The following GRM7 variants were observed in gnomAD, a reference collection of about 807,000 sequenced individuals.
The protein encoded by GRM7 is glutamate metabotropic receptor 7, also known as metabotropic glutamate receptor 7.
A neutral mutation model predicts 84.5 loss-of-function variants in GRM7; 35 were observed. The ratio of observed to expected loss-of-function variants is 0.41; its 90% confidence interval spans 0.32 to 0.55. The LOEUF (loss-of-function observed/expected upper bound fraction) is 0.55, where lower values mean the gene tolerates loss of function less well. Among genes scored for constraint, GRM7 ranks in the 20% least tolerant of loss-of-function variants. The pLI, the probability that GRM7 is intolerant of heterozygous loss-of-function variation, is 0.19. For missense variants in GRM7, 1,003 were observed against 1,194.6 expected (o/e 0.84, Z 2.36); for synonymous variants, 487 against 455.1 (o/e 1.07, Z -0.89).
chr3:7,201,513 C>T (rs1696068890), intron 2 of GRM7, among the ~76,000 whole-genome samples: 1 of 152,076 alleles, frequency 6.6e-6, no homozygotes, highest in East Asian at 1.9e-4. Context: ...TCTATAGAGG[C>T]CACAAGTTGA....
At chr3:7,627,278 C>G (rs548787221) in intron 8 of GRM7, among the ~76,000 whole-genome samples, 74 of 152,178 alleles carry the variant, frequency 4.9e-4, no homozygotes, top group Non-Finnish European at 9.6e-4. Context: ...TGAGATCATG[C>G]TCATGCCTTA....
intron 2 of GRM7, among the ~76,000 whole-genome samples, chr3:7,254,754 T>A (rs556768093): frequency 1.3e-5 from 2 of 152,362 alleles, no homozygotes; most frequent in African/African-American, 4.8e-5. Flanking sequence ...GGCAAGTTGC[T>A]TAACTTCTCT....
intron 7 of GRM7, among the ~76,000 whole-genome samples, chr3:7,500,822 A>C (rs1311557191): frequency 6.6e-6 from 1 of 152,224 alleles, no homozygotes; most frequent in Non-Finnish European, 1.5e-5. Context: ...ACCATGTGAC[A>C]GACGTGCACT....
intron 2 of GRM7, among the ~76,000 whole-genome samples, chr3:7,168,611 A>T (rs973581595): frequency 1.3e-5 from 2 of 152,152 alleles, no homozygotes; most frequent in Non-Finnish European, 2.9e-5. Flanking sequence ...AAGCCCTTCA[A>T]TGTATGACAT....
At chr3:7,379,254 T>C (rs908138848) in intron 4 of GRM7, among the ~76,000 whole-genome samples, 4 of 152,076 alleles carry the variant, frequency 2.6e-5, no homozygotes, top group African/African-American at 7.2e-5. Context: ...TTTTGTATTT[T>C]AGTAGAGACT....
intron 4 of GRM7, among the ~76,000 whole-genome samples, chr3:7,334,655 A>G (rs140149857): frequency 2.0e-5 from 3 of 152,274 alleles, no homozygotes; most frequent in Non-Finnish European, 4.4e-5. Flanking sequence ...TCAACCAAGT[A>G]TCTGCTGTCT....
intron 2 of GRM7, among the ~76,000 whole-genome samples, chr3:7,169,572 G>A (rs900819060): frequency 2.6e-5 from 4 of 152,174 alleles, no homozygotes; most frequent in Non-Finnish European, 5.9e-5. Context: ...TAAAAGGGTA[G>A]CACATAGCGA....
rs369817211 is a variant in GRM7, at chr3:7,550,577, CTGTGTG to C, written c.1516-27809_1516-27804del. Among the ~76,000 whole-genome samples the C allele has an allele frequency of 2.7e-3, 142 of 52,990 alleles. 1 individual carries two copies. The highest frequency in any genetic ancestry group is 5.2e-3 in the East Asian group (8 of 1,528). The allele number at this position is 52,990 out of a possible 152,430, so 34.8% of individuals were successfully genotyped here. A position where few individuals can be genotyped will look rare whatever the true frequency, so the allele number is the denominator to read the frequency against. ...TCTCTCTCTCTCTCTCTCTCTCTCT[CTGTGTG>C]TGTGTGTGTGTGTGTGTGTGTGTGT... On this transcript the variant is annotated intron_variant, in intron 7 of 9. Coordinates refer to ENST00000357716, the MANE Select transcript of GRM7 (RefSeq NM_000844.4).
chr3:7,607,388 A>G lies in GRM7; in HGVS notation c.2451+28031A>G, dbSNP rs962146433. 4 of 152,354 alleles carry G rather than the reference A, an allele frequency of 2.6e-5. No individual in the cohort carries two copies. In the South Asian group the frequency reaches 8.3e-4, roughly 32 times the overall value. 9.4% of individuals were successfully genotyped at this position (152,354 alleles called of 1,614,324 possible). On this transcript the variant is annotated intron_variant, in intron 8 of 9. Coordinates refer to ENST00000357716, the MANE Select transcript of GRM7 (RefSeq NM_000844.4). ...TCTTTGGAGTCTTCAATAAGTTTTC[A>G]TAGTACAAGAGAGTAAGGTATGTGA...
intron 2 of GRM7, among the ~76,000 whole-genome samples, chr3:7,283,766 C>G (rs1448329046): frequency 6.6e-6 from 1 of 152,134 alleles, no homozygotes; most frequent in African/African-American, 2.4e-5. Context: ...TACACATGGA[C>G]TTTACGGGCA....
intron 2 of GRM7, among the ~76,000 whole-genome samples, chr3:7,165,127 G>T (rs929007817): frequency 1.3e-5 from 2 of 152,198 alleles, no homozygotes; most frequent in Non-Finnish European, 2.9e-5. Context: ...TTGAGATATT[G>T]TGGGAGCATT....
chr3:7,139,285 G>T (rs1184195908), intron 1 of GRM7, among the ~76,000 whole-genome samples: 6 of 151,462 alleles, frequency 4.0e-5, no homozygotes, highest in Non-Finnish European at 1.5e-5. Flanking sequence ...GGAAATAGTT[G>T]GTTCTACAAT....
At chr3:7,735,179 G>C (rs1286616587) in intron 9 of GRM7, among the ~76,000 whole-genome samples, 1 of 152,186 alleles carries the variant, frequency 6.6e-6, no homozygotes, top group Non-Finnish European at 1.5e-5. Context: ...TGGCAGAGTT[G>C]GTGGGGGAAG....
In GRM7 at chr3:6,885,419, C is replaced by T. The variant is rs546215283; in HGVS notation, c.519+23512C>T. Reference sequence around the variant, plus strand: ...ACTTCCGGGTTGTCCAGGTTGTTGCCGTGAAAAAGGGCAGTAATTTATGGG... The same window carrying T: ...ACTTCCGGGTTGTCCAGGTTGTTGCTGTGAAAAAGGGCAGTAATTTATGGG... On this transcript the variant is annotated intron_variant, in intron 1 of 9. Transcript: ENST00000357716. Among the ~76,000 whole-genome samples the T allele has an allele frequency of 5.9e-5, 9 of 152,094 alleles. No homozygotes were observed. In the East Asian group the frequency reaches 1.7e-3, roughly 29 times the overall value.
intron 5 of GRM7, among the ~76,000 whole-genome samples, chr3:7,428,338 G>A (rs1696695694): frequency 6.6e-6 from 1 of 152,198 alleles, no homozygotes; most frequent in Admixed American, 6.5e-5. Flanking sequence ...GTAAATCTGG[G>A]AGAGTGCCTA....
intron 5 of GRM7, among the ~76,000 whole-genome samples, chr3:7,436,956 G>A (rs1350506223): frequency 1.3e-5 from 2 of 151,954 alleles, no homozygotes; most frequent in Non-Finnish European, 2.9e-5. Context: ...CTTTATATAT[G>A]TTATTTGCTT....
intron 8 of GRM7, among the ~76,000 whole-genome samples, chr3:7,587,640 C>T (rs938731061): frequency 5.9e-5 from 9 of 152,098 alleles, no homozygotes; most frequent in Non-Finnish European, 1.3e-4. Context: ...TGGTGTGACA[C>T]GCTTGGGCTT....
chr3:7,191,136 T>A (rs1176113891), intron 2 of GRM7, among the ~76,000 whole-genome samples: 1 of 152,142 alleles, frequency 6.6e-6, no homozygotes, highest in Non-Finnish European at 1.5e-5. Context: ...GCCATGGCAA[T>A]GAGAGGATAA....
At chr3:7,072,884 T>C (rs1056611653) in intron 1 of GRM7, among the ~76,000 whole-genome samples, 2 of 152,186 alleles carry the variant, frequency 1.3e-5, no homozygotes, top group African/African-American at 4.8e-5. Flanking sequence ...TTCTGAATCA[T>C]AGCCCCCAGG....
Sources: gnomAD v4.1 joint callset for allele counts (sites outside exome capture counted in the v4.1 genomes callset) on GRCh38, gnomAD v4.1.1 for gene constraint, MANE v1.5 for transcripts, NCBI Gene and HGNC (gene_info 2026-07-23, HGNC 2026-07-21) for gene names.